Variants in PRR16 observed in about 807,000 individuals in gnomAD.
PRR16 encodes protein Largen.
A neutral mutation model predicts 18.2 loss-of-function variants in PRR16; 6 were observed. That is an observed-to-expected ratio of 0.33 (90% CI 0.18 to 0.65). PRR16 has a LOEUF of 0.65. Ranked by LOEUF, PRR16 falls within the 30% of genes least tolerant of loss-of-function variation. The pLI, the probability that PRR16 is intolerant of heterozygous loss-of-function variation, is 0.74. For missense variants in PRR16, 412 were observed against 376.6 expected (o/e 1.09, Z -0.78); for synonymous variants, 151 against 147.8 (o/e 1.02, Z -0.16).
chr5:120,536,998 C>T (rs1471729775), intron 1 of PRR16, among the ~76,000 whole-genome samples: 2 of 152,218 alleles, frequency 1.3e-5, no homozygotes, highest in Middle Eastern at 3.4e-3. Context: ...ATGTTGAGAA[C>T]TCATGAACAC....
chr5:120,705,313 C>A, the PRR16 span, among the ~76,000 whole-genome samples: 7 of 152,182 alleles, frequency 4.6e-5, no homozygotes, highest in African/African-American at 1.7e-4. Flanking sequence ...AATATCCCAA[C>A]ATTGCCAGAA....
the PRR16 span, among the ~76,000 whole-genome samples, chr5:120,767,567 G>A: frequency 6.6e-6 from 1 of 151,768 alleles, no homozygotes; most frequent in African/African-American, 2.4e-5. Flanking sequence ...TGTCATCTGA[G>A]TCCTAAATTC....
intron 1 of PRR16, chr5:120,481,156 T>A (rs1388805216): frequency 4.5e-6 from 4 of 882,612 alleles, no homozygotes; most frequent in Non-Finnish European, 5.6e-6. Flanking sequence ...CTTATTTTAT[T>A]TTTTTTTTGG....
chr5:120,568,131 A>T (rs1752793360), intron 1 of PRR16, among the ~76,000 whole-genome samples: 1 of 152,238 alleles, frequency 6.6e-6, no homozygotes, highest in African/African-American at 2.4e-5. Context: ...ATTAATCATC[A>T]TTTTAGAGGT....
chr5:120,680,697 A>G (rs964437915), intron 1 of PRR16, among the ~76,000 whole-genome samples: 3 of 152,142 alleles, frequency 2.0e-5, no homozygotes, highest in Non-Finnish European at 4.4e-5. Flanking sequence ...ATCATCACCA[A>G]CAATTGGGAT....
At chr5:120,670,269 C>T (rs534014424) in intron 1 of PRR16, among the ~76,000 whole-genome samples, 2 of 152,150 alleles carry the variant, frequency 1.3e-5, no homozygotes, top group East Asian at 3.9e-4. Flanking sequence ...AATTAAACAA[C>T]ATGAATGGCT....
intron 1 of PRR16, among the ~76,000 whole-genome samples, chr5:120,603,446 C>G (rs956930511): frequency 6.6e-6 from 1 of 152,028 alleles, no homozygotes; most frequent in African/African-American, 2.4e-5. Context: ...TTTGAATCTT[C>G]TCTCTTTCTT....
chr5:120,725,884 C>A, the PRR16 span, among the ~76,000 whole-genome samples: 1 of 151,900 alleles, frequency 6.6e-6, no homozygotes, highest in East Asian at 1.9e-4. Context: ...GGCAGAAGAA[C>A]CCCTGCCATC....
chr5:120,530,029 A>G lies in PRR16; in HGVS notation c.159+65384A>G, dbSNP rs963545238. Among the ~76,000 whole-genome samples, 11 of 151,286 alleles carry G rather than the reference A, an allele frequency of 7.3e-5. No homozygotes were observed. The South Asian group carries it at 1.7e-3, about 23-fold the overall frequency. On this transcript the variant is annotated intron_variant, in intron 1 of 1. Coordinates refer to ENST00000407149, the MANE Select transcript of PRR16 (RefSeq NM_001300783.2). ...TTGTAACATATTTGTTTCACTTTTTATGAAGTTTATATTCTTAAAACAATT... is the reference window on the plus strand; with the variant it reads ...TTGTAACATATTTGTTTCACTTTTTGTGAAGTTTATATTCTTAAAACAATT...
intron 1 of PRR16, among the ~76,000 whole-genome samples, chr5:120,553,919 C>G (rs1752334488): frequency 6.6e-6 from 1 of 151,834 alleles, no homozygotes; most frequent in South Asian, 2.1e-4. Context: ...AGTAAATATT[C>G]TACTTAAGTC....
At chr5:120,495,338 G>T (rs1750207986) in intron 1 of PRR16, among the ~76,000 whole-genome samples, 3 of 151,856 alleles carry the variant, frequency 2.0e-5, no homozygotes, top group African/African-American at 4.8e-5. Context: ...TAGTCTCTTG[G>T]TATCCATGGA....
intron 1 of PRR16, among the ~76,000 whole-genome samples, chr5:120,602,288 A>G (rs1311974552): frequency 6.6e-6 from 1 of 151,950 alleles, no homozygotes; most frequent in Non-Finnish European, 1.5e-5. Flanking sequence ...TTCCCTGGTT[A>G]GTTATATTCC....
intron 1 of PRR16, among the ~76,000 whole-genome samples, chr5:120,558,142 A>G (rs903267325): frequency 1.3e-5 from 2 of 151,918 alleles, no homozygotes; most frequent in Admixed American, 6.6e-5. Context: ...TGTTTTACAA[A>G]TAATCCAATT....
the PRR16 span, among the ~76,000 whole-genome samples, chr5:120,736,914 T>G: frequency 3.3e-5 from 5 of 151,164 alleles, no homozygotes; most frequent in East Asian, 9.7e-4. Context: ...CAGAAACAAC[T>G]AATTTTTGTG....
chr5:120,557,129 A>T (rs1032969749), intron 1 of PRR16, among the ~76,000 whole-genome samples: 22 of 151,926 alleles, frequency 1.4e-4, no homozygotes. Context: ...TGTTGAAGAC[A>T]GGTGTTGTTT....
the PRR16 span, among the ~76,000 whole-genome samples, chr5:120,751,586 A>G: frequency 1.3e-5 from 2 of 152,084 alleles, no homozygotes; most frequent in African/African-American, 4.8e-5. Flanking sequence ...CCTTTTCATA[A>G]TGGTGTATTT....
At chr5:120,608,390 C>A (rs1754226140) in intron 1 of PRR16, among the ~76,000 whole-genome samples, 1 of 152,104 alleles carries the variant, frequency 6.6e-6, no homozygotes, top group South Asian at 2.1e-4. Context: ...ATGTTGAAAC[C>A]AGCACTGGTA....
At chr5:120,724,919 T>TA in the PRR16 span, among the ~76,000 whole-genome samples, 57 of 151,948 alleles carry the variant, frequency 3.8e-4, 1 homozygote, top group Admixed American at 1.8e-3. Context: ...ATATGAAAAT[T>TA]AAAAAAAATA....
intron 1 of PRR16, among the ~76,000 whole-genome samples, chr5:120,567,172 T>C (rs953243553): frequency 6.6e-6 from 1 of 152,192 alleles, no homozygotes; most frequent in Admixed American, 6.5e-5. Context: ...AAGCCTATAA[T>C]AACATTCTTT....
Sources: allele counts gnomAD v4.1 joint callset (sites outside exome capture counted in the v4.1 genomes callset), GRCh38; gene constraint gnomAD v4.1.1; transcripts MANE v1.5; gene names NCBI Gene and HGNC (gene_info 2026-07-23, HGNC 2026-07-21).